SEL1L: variants seen among roughly 807,000 people sequenced by gnomAD.
The protein encoded by SEL1L is protein sel-1 homolog 1.
SEL1L carries 52 observed loss-of-function variants against 109.8 expected under a neutral mutation model. The observed-to-expected ratio is 0.47, with a 90% CI of 0.38 to 0.60. The LOEUF (loss-of-function observed/expected upper bound fraction) is 0.60. Ranked by LOEUF, SEL1L falls within the 20% of genes least tolerant of loss-of-function variation. The pLI is 0.00. For missense variants in SEL1L, 749 were observed against 962.2 expected (o/e 0.78, Z 2.93); for synonymous variants, 373 against 339.6 (o/e 1.10, Z -1.08).
intron 11 of SEL1L, among the ~76,000 whole-genome samples, chr14:81,493,026 T>C (rs575876450): frequency 6.6e-6 from 1 of 152,336 alleles, no homozygotes; most frequent in East Asian, 1.9e-4. Flanking sequence ...TTGACCCTAC[T>C]TAAAAATCAC....
chr14:81,530,765 T>C (rs1000999874), intron 1 of SEL1L, among the ~76,000 whole-genome samples: 4 of 152,198 alleles, frequency 2.6e-5, no homozygotes, highest in African/African-American at 9.7e-5. Context: ...TTCTGAAAAG[T>C]GTATCACTGG....
At position 81,487,524 on chromosome 14, in the gene SEL1L, T is replaced by C; in HGVS notation, c.1498A>G (p.Lys500Glu). 5 of 1,599,310 alleles carry C rather than the reference T, an allele frequency of 3.1e-6. No individual in the cohort carries two copies. Among genetic ancestry groups the C allele is most frequent in the East Asian group, 2.2e-5 (1 of 44,832 alleles). The change falls in exon 16 of 21, where the codon AAG becomes GAG. Residue 500 changes from lysine (K) to glutamate (E), a missense_variant. Transcript: ENST00000336735. ...GSMYYNGIGV[K>E]RDYKQALKYF... ...TTCAAGGCCTGTTTATAATCTCTCTTGACTCCAATGCCATCTGTAAGAAAA... is the reference window on the plus strand; with the variant it reads ...TTCAAGGCCTGTTTATAATCTCTCTCGACTCCAATGCCATCTGTAAGAAAA...
chr14:81,498,600 T>C (rs1883878424), intron 8 of SEL1L, 106 bp from the exon 9 acceptor site: 1 of 787,936 alleles, frequency 1.3e-6, no homozygotes, highest in African/African-American at 1.7e-5. Context: ...TGTCATTTGA[T>C]CCAAGTACAC....
intron 4 of SEL1L, among the ~76,000 whole-genome samples, chr14:81,505,005 T>C (rs758507979): frequency 7.9e-5 from 12 of 152,144 alleles, no homozygotes; most frequent in Non-Finnish European, 1.6e-4. Flanking sequence ...ATTAATAAAT[T>C]TCCCAGTCTC....
At chr14:81,504,158 T>A (rs1441561829) in intron 5 of SEL1L, 43 bp downstream of exon 5, 2 of 1,196,964 alleles carry the variant, frequency 1.7e-6, no homozygotes, top group African/African-American at 3.1e-5. Context: ...GTCTCAGTAA[T>A]GGCCTGTCAT....
intron 16 of SEL1L, 95 bp downstream of exon 16, chr14:81,487,295 A>T: frequency 8.1e-7 from 1 of 1,233,150 alleles, no homozygotes; most frequent in Non-Finnish European, 1.1e-6. Flanking sequence ...CTAGAACTAC[A>T]GAAGAAAACA....
rs1724789111 is a variant in SEL1L at position 81,514,260 on chromosome 14, G to C, written c.341-8019C>G. Among the ~76,000 whole-genome samples the C allele has an allele frequency of 2.0e-5, 3 of 152,326 alleles. No homozygotes were observed. In the South Asian group the frequency reaches 6.2e-4, roughly 32 times the overall value. On this transcript the variant is annotated intron_variant, in intron 3 of 20. Coordinates refer to ENST00000336735, the MANE Select transcript of SEL1L (RefSeq NM_005065.6). Reference sequence around the variant, plus strand: ...CTAACAAAAGCTATTCCTGAAGCTAGGATATGGGGAGCCTCAGAAATGATA... The same window carrying C: ...CTAACAAAAGCTATTCCTGAAGCTACGATATGGGGAGCCTCAGAAATGATA...
rs1903567828 is a variant in SEL1L at position 81,487,856 on chromosome 14, A to G, written c.1482T>C (p.Tyr494=). 1.2e-6 allele frequency: 2 copies of G among 1,613,804 alleles called. No homozygotes were observed. Among genetic ancestry groups the G allele is most frequent in the East Asian group, 2.2e-5 (1 of 44,854 alleles). Residue 494 remains tyrosine (Y), a splice_region_variant and synonymous_variant, in exon 15 of 21, where the codon TAT becomes TAC. Transcript: ENST00000336735. ...DGQLQLGSMY[Y]NGIGVKRDYK... Reference sequence around the variant, plus strand: ...ATCATTAATTCCAGTGTTACTTACTATAGTACATGGAACCAAGCTGTAGCT... The same window carrying G: ...ATCATTAATTCCAGTGTTACTTACTGTAGTACATGGAACCAAGCTGTAGCT...
At chr14:81,521,367 C>A (rs923676333) in intron 3 of SEL1L, among the ~76,000 whole-genome samples, 1 of 151,932 alleles carries the variant, frequency 6.6e-6, no homozygotes, top group South Asian at 2.1e-4. Flanking sequence ...AAAAAAGTTA[C>A]GAAAGATCAC....
chr14:81,511,693 T>C (rs535258996), intron 3 of SEL1L, among the ~76,000 whole-genome samples: 57 of 152,338 alleles, frequency 3.7e-4, no homozygotes, highest in African/African-American at 1.4e-3. Flanking sequence ...TTCCCTGCCA[T>C]CCCCATTTAA....
intron 3 of SEL1L, among the ~76,000 whole-genome samples, chr14:81,523,251 G>A (rs77919799): frequency 6.6e-6 from 1 of 152,162 alleles, no homozygotes; most frequent in Non-Finnish European, 1.5e-5. Flanking sequence ...CAGAAGGGCA[G>A]AGGAGCTAAA....
At chr14:81,522,822 A>T (rs1012135672) in intron 3 of SEL1L, among the ~76,000 whole-genome samples, 1 of 152,194 alleles carries the variant, frequency 6.6e-6, no homozygotes, top group Non-Finnish European at 1.5e-5. Flanking sequence ...GACTACTTCT[A>T]ATACCTAATA....
chr14:81,500,105 T>C (rs958791870), intron 6 of SEL1L, among the ~76,000 whole-genome samples: 7 of 151,146 alleles, frequency 4.6e-5, no homozygotes, highest in African/African-American at 1.7e-4. Flanking sequence ...GAGACAGGGT[T>C]TCACCATGTC....
chr14:81,519,855 G>A (rs959934625), intron 3 of SEL1L, among the ~76,000 whole-genome samples: 1 of 152,196 alleles, frequency 6.6e-6, no homozygotes, highest in Non-Finnish European at 1.5e-5. Context: ...AAAGGCCCAG[G>A]GGCATAAACT....
chr14:81,524,698 C>T (rs1467760764), intron 3 of SEL1L, among the ~76,000 whole-genome samples: 1 of 152,000 alleles, frequency 6.6e-6, no homozygotes, highest in Non-Finnish European at 1.5e-5. Context: ...ATGGTGAAAC[C>T]CCAACTCTAC....
At chr14:81,519,211 G>GT (rs1389558124) in intron 3 of SEL1L, among the ~76,000 whole-genome samples, 5 of 152,208 alleles carry the variant, frequency 3.3e-5, no homozygotes, top group African/African-American at 9.6e-5. Context: ...AGCACTCCGT[G>GT]TGACTCCTCC....
chr14:81,477,331 G>GTGTGTGTGTT, intron 20 of SEL1L, 150 bp from the exon 21 acceptor site: 1 of 639,756 alleles, frequency 1.6e-6, no homozygotes, highest in Non-Finnish European at 2.7e-6. Flanking sequence ...GTGTGTGTGT[G>GTGTGTGTGTT]TGTGTTTAAA....
intron 4 of SEL1L, among the ~76,000 whole-genome samples, chr14:81,504,697 A>G (rs1884164550): frequency 6.6e-6 from 1 of 151,840 alleles, no homozygotes; most frequent in Admixed American, 6.6e-5. Flanking sequence ...GGTGATTACA[A>G]TCTCTCTCAC....
Position 81,502,741 on chromosome 14 carries a change from C to G in SEL1L, c.757G>C (p.Gly253Arg). 1 of 1,613,984 alleles carries G rather than the reference C, an allele frequency of 6.2e-7. No individual in the cohort carries two copies. The highest frequency in any genetic ancestry group is 8.5e-7 in the Non-Finnish European group (1 of 1,179,920). Residue 253 changes from glycine (G) to arginine (R), a missense_variant, in exon 6 of 21, where the codon GGC becomes CGC. Transcript: ENST00000336735. ...REMFEKLTEEGSPKGQTALGF... is the reference protein window; with the variant it reads ...REMFEKLTEERSPKGQTALGF... ...CTTACAGTCTGTCCCTTGGGAGAGC[C>G]TTCCTCAGTCAGCTTCTCAAACATC...
Sources: allele counts gnomAD v4.1 joint callset (sites outside exome capture counted in the v4.1 genomes callset), GRCh38; gene constraint gnomAD v4.1.1; transcripts MANE v1.5; gene names NCBI Gene and HGNC (gene_info 2026-07-23, HGNC 2026-07-21).